Variants in GRM8 observed in about 807,000 individuals in gnomAD.
GRM8 encodes glutamate metabotropic receptor 8, also known as metabotropic glutamate receptor 8.
A neutral mutation model predicts 87.2 loss-of-function variants in GRM8; 47 were observed. The observed-to-expected ratio is 0.54, with a 90% CI of 0.43 to 0.69. The LOEUF is 0.69. GRM8 is among the 30% of genes least tolerant of loss of function. The probability of loss-of-function intolerance (pLI) is 0.00; values close to 1 mark genes in which losing one functional copy is unlikely to be tolerated. For synonymous variants in GRM8, 396 were observed against 404.5 expected, an observed-to-expected ratio of 0.98 and a Z score of 0.25; for missense variants, 1,019 against 1,139.2, an observed-to-expected ratio of 0.89 and a Z score of 1.52.
rs530358876 is a variant in GRM8, at chr7:126,974,537, TG to T, written c.728-69855del. ...TCCAGATTTCAAAAATGAGAAAATA[TG>T]GGGAAAAAAGTACATACTGGAACTG... On this transcript the variant is annotated intron_variant, in intron 3 of 10. Transcript: ENST00000339582. 8.8e-4 allele frequency among the ~76,000 whole-genome samples: 133 copies of T among 151,972 alleles called. 2 individuals are homozygous for T. The highest frequency in any genetic ancestry group is 3.0e-3 in the African/African-American group (125 of 41,478).
At chr7:126,750,802 C>A (rs553337670) in intron 7 of GRM8, among the ~76,000 whole-genome samples, 5 of 152,022 alleles carry the variant, frequency 3.3e-5, no homozygotes, top group Non-Finnish European at 5.9e-5. Flanking sequence ...CTCTTTTAGA[C>A]ACATATTTTT....
chr7:126,988,994 A>G (rs1812376679), intron 3 of GRM8, among the ~76,000 whole-genome samples: 1 of 152,200 alleles, frequency 6.6e-6, no homozygotes, highest in South Asian at 2.1e-4. Context: ...CCTGGCACAG[A>G]CTATGCATTA....
intron 8 of GRM8, among the ~76,000 whole-genome samples, chr7:126,543,762 G>A (rs943261721): frequency 6.6e-6 from 1 of 152,126 alleles, no homozygotes; most frequent in Non-Finnish European, 1.5e-5. Flanking sequence ...AAAATACAAA[G>A]AGAAGATGGC....
intron 3 of GRM8, among the ~76,000 whole-genome samples, chr7:127,037,490 T>C (rs1817950647): frequency 6.6e-6 from 1 of 152,206 alleles, no homozygotes; most frequent in Non-Finnish European, 1.5e-5. Context: ...TGCTGGTCCC[T>C]CTTGCTCTGT....
chr7:127,144,122 G>T (rs1587128075), intron 2 of GRM8, among the ~76,000 whole-genome samples: 2 of 152,004 alleles, frequency 1.3e-5, no homozygotes, highest in Admixed American at 6.6e-5. Context: ...TTGTTTTGAG[G>T]ATTAAAAGGC....
intron 7 of GRM8, among the ~76,000 whole-genome samples, chr7:126,748,486 A>T (rs1332241051): frequency 1.3e-5 from 2 of 152,048 alleles, no homozygotes; most frequent in African/African-American, 2.4e-5. Flanking sequence ...TAAATTTTAA[A>T]ACATCTAAAT....
intron 3 of GRM8, among the ~76,000 whole-genome samples, chr7:126,950,523 T>C (rs566091525): frequency 2.0e-5 from 3 of 152,268 alleles, no homozygotes; most frequent in East Asian, 1.9e-4. Flanking sequence ...CGCTTTGAAA[T>C]AAAGACAGCT....
At chr7:126,466,551 G>A (rs998911785) in intron 9 of GRM8, among the ~76,000 whole-genome samples, 4 of 151,796 alleles carry the variant, frequency 2.6e-5, no homozygotes, top group Non-Finnish European at 5.9e-5. Context: ...TCCATGATCT[G>A]CCACCTGCAG....
At chr7:126,990,768 A>G (rs1218347689) in intron 3 of GRM8, among the ~76,000 whole-genome samples, 1 of 152,224 alleles carries the variant, frequency 6.6e-6, no homozygotes, top group Non-Finnish European at 1.5e-5. Flanking sequence ...AATATAAAAT[A>G]ATGCATTTCA....
chr7:126,894,122 A>C (rs1801318627), intron 6 of GRM8, among the ~76,000 whole-genome samples: 1 of 152,066 alleles, frequency 6.6e-6, no homozygotes, highest in African/African-American at 2.4e-5. Flanking sequence ...CCTGATATTG[A>C]ATCATCTATA....
chr7:126,761,692 T>C (rs1030201102), intron 7 of GRM8, among the ~76,000 whole-genome samples: 1 of 152,190 alleles, frequency 6.6e-6, no homozygotes, highest in Non-Finnish European at 1.5e-5. Context: ...ACCAAGCTCA[T>C]CTTACTGTCT....
At chr7:126,934,337 C>A (rs1173543438) in intron 3 of GRM8, among the ~76,000 whole-genome samples, 2 of 152,154 alleles carry the variant, frequency 1.3e-5, no homozygotes, top group Non-Finnish European at 2.9e-5. Flanking sequence ...GTCTCCACAG[C>A]ATGCTTATGA....
At chr7:127,149,090 A>G (rs1362779324) in intron 2 of GRM8, among the ~76,000 whole-genome samples, 1 of 152,092 alleles carries the variant, frequency 6.6e-6, no homozygotes, top group African/African-American at 2.4e-5. Context: ...ACATCAAACT[A>G]AAAAGCTTCT....
chr7:127,118,432 A>G (rs966417410), intron 2 of GRM8, among the ~76,000 whole-genome samples: 2 of 152,244 alleles, frequency 1.3e-5, no homozygotes, highest in Non-Finnish European at 2.9e-5. Context: ...CAAATTGATT[A>G]GCCCTTTCAT....
At chr7:126,779,696 T>C (rs1057317739) in intron 6 of GRM8, among the ~76,000 whole-genome samples, 4 of 152,180 alleles carry the variant, frequency 2.6e-5, no homozygotes, top group African/African-American at 9.7e-5. Context: ...ATATTTTATG[T>C]TTTGTAGCTT....
At chr7:126,707,098 A>G (rs1045590845) in intron 7 of GRM8, among the ~76,000 whole-genome samples, 13 of 152,082 alleles carry the variant, frequency 8.5e-5, no homozygotes, top group Non-Finnish European at 1.6e-4. Flanking sequence ...GAGTCCAGGA[A>G]TTCAAGACTA....
intron 7 of GRM8, among the ~76,000 whole-genome samples, chr7:126,686,849 C>T (rs1808245707): frequency 6.6e-6 from 1 of 152,190 alleles, no homozygotes; most frequent in Non-Finnish European, 1.5e-5. Context: ...GCCAGAAAAG[C>T]GACACCCCAC....
intron 3 of GRM8, among the ~76,000 whole-genome samples, chr7:127,016,931 A>C (rs1211652511): frequency 6.6e-6 from 1 of 152,064 alleles, no homozygotes; most frequent in Admixed American, 6.6e-5. Flanking sequence ...TCATTTATTC[A>C]TTCAATATAT....
intron 2 of GRM8, among the ~76,000 whole-genome samples, chr7:127,178,663 A>C (rs1304000081): frequency 6.6e-6 from 1 of 152,184 alleles, no homozygotes; most frequent in Admixed American, 6.5e-5. Context: ...CTCTGGAGAA[A>C]CCCTACAAGC....
Sources: allele counts gnomAD v4.1 joint callset (sites outside exome capture counted in the v4.1 genomes callset), GRCh38; gene constraint gnomAD v4.1.1; transcripts MANE v1.5; gene names NCBI Gene and HGNC (gene_info 2026-07-23, HGNC 2026-07-21).